Variants in COBLL1 observed in about 807,000 individuals in gnomAD.
COBLL1 encodes the protein cordon-bleu WH2 repeat protein like 1.
Under a neutral mutation model 94.8 loss-of-function variants are expected in COBLL1, and 50 were observed. That is an observed-to-expected ratio of 0.53 (90% confidence interval 0.42 to 0.67). The LOEUF (loss-of-function observed/expected upper bound fraction) is 0.67. COBLL1 is among the 30% of genes least tolerant of loss of function. COBLL1 has a pLI of 0.00. For missense variants in COBLL1, 1,362 were observed against 1,348.7 expected, an observed-to-expected ratio of 1.01 and a Z score of -0.15; for synonymous variants, 448 against 473.8, an observed-to-expected ratio of 0.95 and a Z score of 0.71.
rs371327024 is a variant in COBLL1, at chr2:164,699,427, C to G, written c.1533G>C (p.Ser511=). The G allele has an allele frequency of 2.5e-6, 4 of 1,610,848 alleles. No homozygotes were observed. In the South Asian group the frequency reaches 4.4e-5, roughly 18 times the overall value. Residue 511 remains serine (S), a synonymous_variant, in exon 11 of 14, where the codon TCG becomes TCC. Coordinates refer to ENST00000652658, the MANE Select transcript of COBLL1 (RefSeq NM_001365672.2). ...KVVDSIRNLK[S]LGPNQENVVQ... is the part of the protein sequence containing the mutation. Reference sequence around the variant, plus strand: ...CACCATTCTCTTGGTTTGGGCCCAACGACTTCAAGTTTCTTATACTGTCAA... The same window carrying G: ...CACCATTCTCTTGGTTTGGGCCCAAGGACTTCAAGTTTCTTATACTGTCAA...
At chr2:164,793,557 T>A (rs10170193) in intron 2 of COBLL1, among the ~76,000 whole-genome samples, 28,811 of 152,114 alleles carry the variant, frequency 0.19, 3,044 homozygotes, top group African/African-American at 0.25. Flanking sequence ...CTTATGTTAG[T>A]TCCTTTTTGC....
intron 2 of COBLL1, among the ~76,000 whole-genome samples, chr2:164,778,376 G>T (rs11677495): frequency 0.27 from 41,533 of 152,072 alleles, 6,039 homozygotes; most frequent in East Asian, 0.44. Flanking sequence ...GGAGGCCGGG[G>T]CAGGCAGATC....
intron 3 of COBLL1, among the ~76,000 whole-genome samples, chr2:164,741,347 G>C (rs1686584182): frequency 1.3e-5 from 2 of 151,992 alleles, no homozygotes; most frequent in Admixed American, 1.3e-4. Flanking sequence ...AATTTTGGAG[G>C]AGAAAATAAG....
intron 13 of COBLL1, chr2:164,687,213 C>G (rs185378507): frequency 2.9e-6 from 1 of 343,018 alleles, no homozygotes; most frequent in Admixed American, 4.6e-5. Flanking sequence ...GACTTTCTTT[C>G]TTTTTTTTTT....
At chr2:164,740,878 G>A (rs1274059745) in intron 3 of COBLL1, among the ~76,000 whole-genome samples, 1 of 151,480 alleles carries the variant, frequency 6.6e-6, no homozygotes, top group African/African-American at 2.4e-5. Flanking sequence ...AGGCTAGTGA[G>A]TTACACGAGG....
At chr2:164,798,878 G>A (rs1683613264) in intron 2 of COBLL1, among the ~76,000 whole-genome samples, 1 of 151,924 alleles carries the variant, frequency 6.6e-6, no homozygotes, top group South Asian at 2.1e-4. Context: ...AAATTAGCCG[G>A]GCAAGGTGGC....
At chr2:164,776,084 A>C (rs1435066177) in intron 2 of COBLL1, among the ~76,000 whole-genome samples, 3 of 147,044 alleles carry the variant, frequency 2.0e-5, no homozygotes, top group South Asian at 2.3e-4. Context: ...ACTTCAACAA[A>C]CCCCCCCAGT....
chr2:164,699,235 T>C (rs1684108889), intron 11 of COBLL1, among the ~76,000 whole-genome samples, 170 bp downstream of exon 11: 1 of 151,924 alleles, frequency 6.6e-6, no homozygotes, highest in Admixed American at 6.6e-5. Context: ...TGTGGCACAA[T>C]CATCTGTAAA....
chr2:164,814,465 T>G (rs1424814191), intron 2 of COBLL1, among the ~76,000 whole-genome samples: 2 of 152,224 alleles, frequency 1.3e-5, no homozygotes, highest in Admixed American at 1.3e-4. Context: ...TCTCTCATCC[T>G]GATGGAGTTT....
intron 7 of COBLL1, among the ~76,000 whole-genome samples, chr2:164,714,792 A>G (rs1352663249): frequency 1.3e-5 from 2 of 152,196 alleles, no homozygotes; most frequent in Admixed American, 6.6e-5. Context: ...AGTAAACTTC[A>G]TACTGGTAAA....
chr2:164,723,533 T>TTG (rs1198683214), intron 5 of COBLL1: 2 of 152,200 alleles, frequency 1.3e-5, no homozygotes, highest in East Asian at 3.9e-4. Context: ...GTCTACCAGG[T>TTG]TGTGTTAAAA....
chr2:164,666,885 C>G (rs1691167245), intron 1 of COBLL1, among the ~76,000 whole-genome samples: 1 of 152,172 alleles, frequency 6.6e-6, no homozygotes, highest in African/African-American at 2.4e-5. Flanking sequence ...CCTTCCAAGT[C>G]ATCCATGAGG....
At chr2:164,840,889 C>G (rs529273259) in intron 2 of COBLL1, 4 of 375,426 alleles carry the variant, frequency 1.1e-5, no homozygotes, top group African/African-American at 2.1e-5. Context: ...CTCCCGGACT[C>G]CTCACCCAAT....
chr2:164,674,192 C>T (rs1042288322), intron 1 of COBLL1, among the ~76,000 whole-genome samples: 1 of 152,098 alleles, frequency 6.6e-6, no homozygotes, highest in African/African-American at 2.4e-5. Flanking sequence ...TCCCGAGTAG[C>T]TGGAACTATA....
chr2:164,795,238 A>G (rs1683385333), intron 2 of COBLL1, among the ~76,000 whole-genome samples: 1 of 152,188 alleles, frequency 6.6e-6, no homozygotes, highest in South Asian at 2.1e-4. Flanking sequence ...AGCACTCACA[A>G]GTCTAAAGGG....
At chr2:164,764,927 C>T (rs1221449455) in intron 2 of COBLL1, among the ~76,000 whole-genome samples, 1 of 152,144 alleles carries the variant, frequency 6.6e-6, no homozygotes, top group Non-Finnish European at 1.5e-5. Context: ...GCCTGAAATA[C>T]AGTTCATACA....
chr2:164,678,147 A>C (rs952776391), downstream of COBLL1, among the ~76,000 whole-genome samples: 1 of 152,200 alleles, frequency 6.6e-6, no homozygotes, highest in Non-Finnish European at 1.5e-5. Context: ...AGAATAGCCA[A>C]GACATTTCTG....
chr2:164,666,273 A>G (rs1691157478), intron 1 of COBLL1, among the ~76,000 whole-genome samples: 1 of 152,250 alleles, frequency 6.6e-6, no homozygotes, highest in South Asian at 2.1e-4. Context: ...CCCAGTACAT[A>G]TAAAAGTTAT....
Position 164,695,574 on chromosome 2 carries a change from T to C in COBLL1, c.1818A>G (p.Thr606=). 1 of 1,613,986 alleles carries C rather than the reference T, an allele frequency of 6.2e-7. No individual in the cohort carries two copies. ...AEKTKDAAIQ[T]TPSCNSFDGK... The stretch of plus-strand genomic sequence containing the variant: ...CATCAAAACTGTTACAAGAAGGGGT[T>C]GTCTGAATTGCTGCATCTTTTGTCT... The change falls in exon 12 of 14, where the codon ACA becomes ACG. Residue 606 remains threonine (T), a synonymous_variant. Transcript: ENST00000652658.
Sources: gnomAD v4.1 joint callset for allele counts (sites outside exome capture counted in the v4.1 genomes callset) on GRCh38, gnomAD v4.1.1 for gene constraint, MANE v1.5 for transcripts, NCBI Gene and HGNC (gene_info 2026-07-23, HGNC 2026-07-21) for gene names.